Variants in MAGEC3 observed in about 807,000 individuals in gnomAD.
MAGEC3 encodes the protein melanoma-associated antigen C3.
MAGEC3 carries 34 observed loss-of-function variants against 35.3 expected under a neutral mutation model. The observed-to-expected ratio is 0.96, with a 90% CI of 0.73 to 1.28. The LOEUF (loss-of-function observed/expected upper bound fraction) is 1.28. Among genes scored for constraint, MAGEC3 ranks in the 50% most tolerant of loss-of-function variants. The pLI, the probability that MAGEC3 is intolerant of heterozygous loss-of-function variation, is 0.00. For missense variants in MAGEC3, 561 were observed against 483.6 expected, an observed-to-expected ratio of 1.16 and a Z score of -1.50; for synonymous variants, 202 against 185.6, an observed-to-expected ratio of 1.09 and a Z score of -0.72.
intron 1 of MAGEC3, among the ~76,000 whole-genome samples, chrX:141,851,791 G>T (rs185768402): frequency 3.6e-5 from 4 of 111,178 alleles, no homozygotes; most frequent in African/African-American, 1.3e-4. Flanking sequence ...CTATTCCATT[G>T]ATCTGTATGT....
At chrX:141,843,710 CA>C (rs1389580363) in intron 1 of MAGEC3, among the ~76,000 whole-genome samples, 1 of 110,844 alleles carries the variant, frequency 9.0e-6, no homozygotes, top group Non-Finnish European at 1.9e-5. Flanking sequence ...CCCAGATAAT[CA>C]AAGGCAAATC....
intron 2 of MAGEC3, among the ~76,000 whole-genome samples, chrX:141,870,395 T>C (rs1468354091): frequency 1.8e-5 from 2 of 111,286 alleles, no homozygotes; most frequent in African/African-American, 3.3e-5. Flanking sequence ...TAGATTAGCA[T>C]TTTAAGAAAA....
At chrX:141,882,852 T>G (rs2017976563) in intron 4 of MAGEC3, among the ~76,000 whole-genome samples, 1 of 111,290 alleles carries the variant, frequency 9.0e-6, no homozygotes, top group African/African-American at 3.3e-5. Flanking sequence ...TTCAAAAAAG[T>G]GGGGAGGTGA....
At chrX:141,876,378 AT>A (rs1472072754) in intron 2 of MAGEC3, among the ~76,000 whole-genome samples, 1 of 111,680 alleles carries the variant, frequency 9.0e-6, no homozygotes, top group Non-Finnish European at 1.9e-5. Flanking sequence ...CACTATTGAG[AT>A]TTCAAGTCCT....
chrX:141,849,514 A>G (rs2017737637), intron 1 of MAGEC3, among the ~76,000 whole-genome samples: 1 of 111,220 alleles, frequency 9.0e-6, no homozygotes. Flanking sequence ...CATCTAACAA[A>G]GGTCTAATAT....
At chrX:141,879,507 G>A (rs2017945685) in intron 3 of MAGEC3, 76 bp downstream of exon 3, 1 of 1,078,798 alleles carries the variant, frequency 9.3e-7, no homozygotes, top group Admixed American at 3.0e-5. Flanking sequence ...TGGGCAGGAA[G>A]GGGTGGAAAG....
At chrX:141,841,878 C>T (rs1292257798) in intron 1 of MAGEC3, among the ~76,000 whole-genome samples, 2 of 111,786 alleles carry the variant, frequency 1.8e-5, no homozygotes, top group Non-Finnish European at 3.8e-5. Flanking sequence ...ATGAAGGACT[C>T]GCAGAACACT....
chrX:141,879,728 A>C (rs370215794), intron 3 of MAGEC3, among the ~76,000 whole-genome samples: 5 of 109,998 alleles, frequency 4.5e-5, no homozygotes, highest in East Asian at 2.9e-4. Context: ...CAGACAGAAG[A>C]CTCTTAGAAC....
chrX:141,866,312 T>TA (rs1051333520), intron 2 of MAGEC3, among the ~76,000 whole-genome samples: 1 of 112,156 alleles, frequency 8.9e-6, no homozygotes, highest in African/African-American at 3.2e-5. Context: ...TAATCCATGT[T>TA]AAAAAAATTT....
At chrX:141,850,716 A>G (rs1376724096) in intron 1 of MAGEC3, among the ~76,000 whole-genome samples, 1 of 111,752 alleles carries the variant, frequency 8.9e-6, no homozygotes, top group South Asian at 3.7e-4. Flanking sequence ...GACATATAAA[A>G]TCAACCATCA....
At chrX:141,843,304 G>C (rs1169933736) in intron 1 of MAGEC3, among the ~76,000 whole-genome samples, 2 of 111,434 alleles carry the variant, frequency 1.8e-5, no homozygotes, top group Non-Finnish European at 3.8e-5. Flanking sequence ...ACAGGAGTAA[G>C]GCCATCAACC....
chrX:141,869,962 A>AAAGGATTAGGTTATGTGCAGGAATTC (rs2017877109), intron 2 of MAGEC3, among the ~76,000 whole-genome samples: 167 of 111,579 alleles, frequency 1.5e-3, no homozygotes, highest in African/African-American at 5.1e-3. Context: ...AATTCTGTTT[A>AAAGGATTAGGTTATGTGCAGGAATTC]CCTCTTTTCC....
chrX:141,890,962 T>A (rs1454500567), intron 4 of MAGEC3, among the ~76,000 whole-genome samples: 2 of 112,224 alleles, frequency 1.8e-5, no homozygotes, highest in Non-Finnish European at 3.8e-5. Context: ...ATGGATTAGT[T>A]TATTATTCCA....
chrX:141,881,700 C>T lies in MAGEC3; in HGVS notation c.813C>T (p.Pro271=), dbSNP rs1486970497. Residue 271 remains proline (P), a synonymous_variant, in exon 4 of 8, where the codon CCC becomes CCT. Coordinates refer to ENST00000298296, the MANE Select transcript of MAGEC3 (RefSeq NM_138702.1). ...EGSLSDEQGM[P]QNRLLILILS... is the part of the protein sequence containing the mutation. ...GTCTGAGTGATGAGCAGGGCATGCC[C>T]CAGAACCGCCTCCTGATTCTTATTC... is the stretch of plus-strand genomic sequence containing the variant. 4 of 1,211,270 alleles carry T rather than the reference C, an allele frequency of 3.3e-6. No homozygotes were observed. In the Admixed American group the frequency reaches 6.5e-5, roughly 20 times the overall value.
At chrX:141,874,236 G>A (rs2017905967) in intron 2 of MAGEC3, among the ~76,000 whole-genome samples, 1 of 111,710 alleles carries the variant, frequency 9.0e-6, no homozygotes, top group Admixed American at 9.5e-5. Context: ...ACCTAAATGT[G>A]AAAATAAAAT....
At chrX:141,863,542 A>G (rs1476626803) in intron 1 of MAGEC3, among the ~76,000 whole-genome samples, 1 of 112,103 alleles carries the variant, frequency 8.9e-6, no homozygotes, top group Non-Finnish European at 1.9e-5. Flanking sequence ...GATGTAAACA[A>G]TATGGAAAAC....
intron 4 of MAGEC3, among the ~76,000 whole-genome samples, chrX:141,894,151 G>C (rs1242178544): frequency 8.9e-6 from 1 of 111,801 alleles, no homozygotes; most frequent in Non-Finnish European, 1.9e-5. Context: ...CTTTGGAGAA[G>C]TGCCTTGACT....
intron 4 of MAGEC3, among the ~76,000 whole-genome samples, chrX:141,891,530 A>G (rs1479263336): frequency 9.1e-6 from 1 of 109,439 alleles, no homozygotes; most frequent in African/African-American, 3.3e-5. Flanking sequence ...ATAAAAATAC[A>G]TGGAAATCAC....
At chrX:141,872,680 GGA>G (rs766513133) in intron 2 of MAGEC3, among the ~76,000 whole-genome samples, 29 of 110,244 alleles carry the variant, frequency 2.6e-4, no homozygotes, top group African/African-American at 9.2e-4. Flanking sequence ...CACATGAGGA[GGA>G]GAGAGAGAGA....
Sources: allele counts gnomAD v4.1 joint callset (sites outside exome capture counted in the v4.1 genomes callset), GRCh38; gene constraint gnomAD v4.1.1; transcripts MANE v1.5; gene names NCBI Gene and HGNC (gene_info 2026-07-23, HGNC 2026-07-21).